SCHIP1: variants seen among roughly 807,000 people sequenced by gnomAD.
The protein encoded by SCHIP1 is schwannomin interacting protein 1, also known as schwannomin-interacting protein 1.
A neutral mutation model predicts 29.7 loss-of-function variants in SCHIP1; 8 were observed. The ratio of observed to expected loss-of-function variants is 0.27; its 90% CI spans 0.16 to 0.49. The LOEUF is 0.49. Among genes scored for constraint, SCHIP1 ranks in the 20% least tolerant of loss-of-function variants. SCHIP1 has a pLI of 0.99. For synonymous variants in SCHIP1, 76 were observed against 94.9 expected, an observed-to-expected ratio of 0.80 and a Z score of 1.16; for missense variants, 193 against 294.6, an observed-to-expected ratio of 0.66 and a Z score of 2.52.
the SCHIP1 span, among the ~76,000 whole-genome samples, chr3:159,437,629 T>C: frequency 6.6e-6 from 1 of 151,906 alleles, no homozygotes; most frequent in East Asian, 1.9e-4. Flanking sequence ...TCTCCATTCG[T>C]CTTTTAAAAA....
the SCHIP1 span, among the ~76,000 whole-genome samples, chr3:159,275,427 T>A: frequency 6.6e-6 from 1 of 152,136 alleles, no homozygotes; most frequent in African/African-American, 2.4e-5. Context: ...TACATTCTAA[T>A]CCAGAAGAAT....
chr3:159,775,372 C>A, the SCHIP1 span, among the ~76,000 whole-genome samples: 89 of 152,258 alleles, frequency 5.8e-4, no homozygotes, highest in African/African-American at 1.6e-3. Context: ...GGGCAGAAAC[C>A]CTCTGCAGCC....
chr3:159,394,516 TA>T, the SCHIP1 span, among the ~76,000 whole-genome samples: 1 of 152,220 alleles, frequency 6.6e-6, no homozygotes, highest in East Asian at 1.9e-4. Context: ...TGAGAGTTTT[TA>T]GCATGAAGGG....
the SCHIP1 span, among the ~76,000 whole-genome samples, chr3:159,736,792 T>C: frequency 6.6e-6 from 1 of 151,824 alleles, no homozygotes; most frequent in East Asian, 1.9e-4. Flanking sequence ...TGAAGTGCAG[T>C]GGCGCGATCT....
the SCHIP1 span, among the ~76,000 whole-genome samples, chr3:159,734,711 G>T: frequency 1.3e-5 from 2 of 150,592 alleles, no homozygotes; most frequent in African/African-American, 2.4e-5. Flanking sequence ...TAAAAAGAAT[G>T]AATGTTAATT....
intron 1 of SCHIP1, among the ~76,000 whole-genome samples, chr3:159,841,057 T>TTGA: frequency 1.3e-5 from 2 of 152,318 alleles, no homozygotes; most frequent in Middle Eastern, 6.8e-3. Context: ...TATTGGGATA[T>TTGA]TACTCAACTG....
At chr3:159,394,209 TTTG>T in the SCHIP1 span, among the ~76,000 whole-genome samples, 2 of 150,424 alleles carry the variant, frequency 1.3e-5, no homozygotes, top group African/African-American at 4.9e-5. Context: ...TTAAGGAGAT[TTTG>T]GGCTGAGACA....
At chr3:159,275,887 A>G in the SCHIP1 span, among the ~76,000 whole-genome samples, 6 of 152,128 alleles carry the variant, frequency 3.9e-5, no homozygotes, top group African/African-American at 1.4e-4. Context: ...ACAATCTTAA[A>G]TTTAGTTGAG....
the SCHIP1 span, among the ~76,000 whole-genome samples, chr3:159,491,274 G>T: frequency 6.6e-6 from 1 of 152,346 alleles, no homozygotes; most frequent in South Asian, 2.1e-4. Flanking sequence ...AGTGGGCGCA[G>T]CACACCATGC....
At chr3:159,615,684 A>G in the SCHIP1 span, among the ~76,000 whole-genome samples, 9 of 152,214 alleles carry the variant, frequency 5.9e-5, no homozygotes, top group Non-Finnish European at 1.0e-4. Flanking sequence ...GTGAAGAGGA[A>G]TAAGGTTCAC....
the SCHIP1 span, chr3:159,764,636 AGAAGGTGATTGATGAGT>A: frequency 6.2e-7 from 1 of 1,606,830 alleles, no homozygotes; most frequent in Non-Finnish European, 8.5e-7. The surrounding 1 kb of genome is among the most constrained non-coding windows in gnomAD (Gnocchi z 6.1). Context: ...GTCTACCAGA[AGAAGGTGATTGATGAGT>A]GGGCGCCGGA....
the SCHIP1 span, among the ~76,000 whole-genome samples, chr3:159,432,430 GA>G: frequency 6.7e-6 from 1 of 150,250 alleles, no homozygotes; most frequent in African/African-American, 2.4e-5. Context: ...TTATTTAGTG[GA>G]AGTCATACAT....
chr3:159,793,613 A>G, the SCHIP1 span, among the ~76,000 whole-genome samples: 1 of 152,128 alleles, frequency 6.6e-6, no homozygotes, highest in Non-Finnish European at 1.5e-5. Context: ...GCTTGAGTGC[A>G]GTGGTGTCAT....
the SCHIP1 span, among the ~76,000 whole-genome samples, chr3:159,478,412 G>C: frequency 4.6e-5 from 7 of 152,154 alleles, no homozygotes; most frequent in Non-Finnish European, 8.8e-5. Context: ...TTCATTTGTG[G>C]GCCTTCTATC....
the SCHIP1 span, among the ~76,000 whole-genome samples, chr3:159,756,874 A>G: frequency 6.6e-6 from 1 of 152,216 alleles, no homozygotes; most frequent in African/African-American, 2.4e-5. Flanking sequence ...TAAAACAACA[A>G]GAGTCACCTT....
At chr3:159,673,949 C>T in the SCHIP1 span, among the ~76,000 whole-genome samples, 2 of 152,170 alleles carry the variant, frequency 1.3e-5, no homozygotes, top group Admixed American at 1.3e-4. Flanking sequence ...CTGCTCTCTC[C>T]TCCTGCAGTT....
the SCHIP1 span, among the ~76,000 whole-genome samples, chr3:159,654,311 T>C: frequency 6.6e-6 from 1 of 152,158 alleles, no homozygotes; most frequent in Non-Finnish European, 1.5e-5. Context: ...ACTAGTTCAT[T>C]TTTCCCAACT....
the SCHIP1 span, among the ~76,000 whole-genome samples, chr3:159,379,117 A>G: frequency 1.3e-5 from 2 of 152,202 alleles, no homozygotes; most frequent in Admixed American, 6.5e-5. Context: ...TCATTAGCCA[A>G]TGATTTTATA....
chr3:159,792,043 G>A, the SCHIP1 span, among the ~76,000 whole-genome samples: 3 of 152,050 alleles, frequency 2.0e-5, no homozygotes, highest in Admixed American at 6.6e-5. Context: ...ATCTGTGTGT[G>A]TCTATCTTGG....
Sources: allele counts gnomAD v4.1 joint callset (sites outside exome capture counted in the v4.1 genomes callset), GRCh38; gene constraint gnomAD v4.1.1; non-coding constraint Gnocchi (gnomAD v3.1); transcripts MANE v1.5; gene names NCBI Gene and HGNC (gene_info 2026-07-23, HGNC 2026-07-21).